The following CRPPA variants were observed in gnomAD, a reference collection of about 807,000 sequenced individuals.
The protein encoded by CRPPA is CDP-L-ribitol pyrophosphorylase A, also known as D-ribitol-5-phosphate cytidylyltransferase.
Under a neutral mutation model 52.0 loss-of-function variants are expected in CRPPA, and 43 were observed. The observed-to-expected ratio is 0.83, with a 90% CI of 0.65 to 1.07. The LOEUF is 1.07. CRPPA is among the 50% of genes least tolerant of loss of function. CRPPA has a pLI of 0.00. For missense variants in CRPPA, 629 were observed against 551.7 expected (o/e 1.14, Z -1.40); for synonymous variants, 250 against 203.5 (o/e 1.23, Z -1.94).
intron 5 of CRPPA, among the ~76,000 whole-genome samples, chr7:16,284,728 G>C (rs565811636): frequency 6.6e-6 from 1 of 152,150 alleles, no homozygotes; most frequent in South Asian, 2.1e-4. Context: ...TTACATCTTA[G>C]TTTATCTACT....
intron 5 of CRPPA, among the ~76,000 whole-genome samples, chr7:16,296,812 A>G (rs1484442166): frequency 6.6e-6 from 1 of 152,172 alleles, no homozygotes; most frequent in Admixed American, 6.5e-5. Context: ...TTACAACATT[A>G]TATGCTTTTC....
At chr7:16,292,276 T>C (rs1784579548) in intron 5 of CRPPA, among the ~76,000 whole-genome samples, 1 of 151,950 alleles carries the variant, frequency 6.6e-6, no homozygotes, top group African/African-American at 2.4e-5. Context: ...CAAAGACAAT[T>C]AGTATTTATT....
intron 2 of CRPPA, among the ~76,000 whole-genome samples, chr7:16,381,567 ATCTG>A (rs2128313200): frequency 6.6e-6 from 1 of 152,072 alleles, no homozygotes; most frequent in African/African-American, 2.4e-5. Context: ...TGTCTCATTG[ATCTG>A]TCTAATGTTG....
intron 3 of CRPPA, among the ~76,000 whole-genome samples, chr7:16,356,793 A>T (rs967345809): frequency 1.3e-5 from 2 of 152,062 alleles, no homozygotes; most frequent in African/African-American, 4.8e-5. Flanking sequence ...TTTTCTATTG[A>T]CCTATTTTCT....
intron 9 of CRPPA, among the ~76,000 whole-genome samples, chr7:16,101,167 T>A (rs1782036062): frequency 6.6e-6 from 1 of 152,198 alleles, no homozygotes; most frequent in African/African-American, 2.4e-5. Flanking sequence ...GCTGGCCTCA[T>A]AAAATCAGTT....
chr7:16,146,104 A>C (rs1037110885), intron 9 of CRPPA, among the ~76,000 whole-genome samples: 1 of 152,106 alleles, frequency 6.6e-6, no homozygotes, highest in Non-Finnish European at 1.5e-5. Flanking sequence ...AAACATCCAT[A>C]TGACTATGAC....
Position 16,089,468 on chromosome 7 carries a change from T to C in CRPPA, c.*2227A>G, listed in dbSNP as rs1781781672. On this transcript the variant is annotated 3_prime_UTR_variant, in exon 10 of 10. Transcript: ENST00000407010. The stretch of plus-strand genomic sequence containing the variant: ...ACGTGCATACATATATGTGTATATA[T>C]GTACGTACATATATACGGGTATATA... 1 of 326,818 alleles carries C rather than the reference T, an allele frequency of 3.1e-6. No individual in the cohort carries two copies. The highest frequency in any genetic ancestry group is 2.3e-5 in the South Asian group (1 of 43,712). 20.2% of individuals were successfully genotyped at this position (326,818 alleles called of 1,614,324 possible).
intron 5 of CRPPA, 124 bp downstream of exon 5, chr7:16,301,297 C>CA (rs1207237620): frequency 2.9e-6 from 2 of 695,878 alleles, no homozygotes; most frequent in African/African-American, 3.6e-5. Flanking sequence ...AAAAACAAAT[C>CA]AGAGACCTTG....
rs563829595 is a variant in CRPPA, at chr7:16,138,702, TCTTATA to T, written c.1252-46909_1252-46904del. ...AATAGTGTAATTTTCTTTAAAATTA[TCTTATA>T]CTTTGACCAATGGTAGAGAGTAAGA... On this transcript the variant is annotated intron_variant, in intron 9 of 9. Transcript: ENST00000407010. Among the ~76,000 whole-genome samples, 65 of 152,348 alleles carry T rather than the reference TCTTATA, an allele frequency of 4.3e-4. 1 individual carries two copies. In the South Asian group the frequency reaches 0.013, roughly 31 times the overall value.
intron 9 of CRPPA, among the ~76,000 whole-genome samples, chr7:16,192,800 A>G (rs963798073): frequency 6.6e-6 from 1 of 152,160 alleles, no homozygotes. Flanking sequence ...TTCCAATTCT[A>G]TAACAATTTG....
At chr7:16,295,212 T>G (rs1784646705) in intron 5 of CRPPA, among the ~76,000 whole-genome samples, 1 of 152,114 alleles carries the variant, frequency 6.6e-6, no homozygotes, top group African/African-American at 2.4e-5. Context: ...TGACAGTTGC[T>G]AAGTACTTAT....
chr7:16,379,521 A>G (rs1259007516), intron 2 of CRPPA, among the ~76,000 whole-genome samples: 3 of 152,170 alleles, frequency 2.0e-5, no homozygotes, highest in Admixed American at 1.3e-4. Context: ...TTCCAATTCT[A>G]TGAAGAAAGT....
At chr7:16,334,641 A>G (rs1351682104) in intron 3 of CRPPA, among the ~76,000 whole-genome samples, 1 of 152,152 alleles carries the variant, frequency 6.6e-6, no homozygotes, top group Non-Finnish European at 1.5e-5. Flanking sequence ...CAAATCACAG[A>G]TGATTGCAGA....
chr7:16,118,442 C>T (rs1782421224), intron 9 of CRPPA, among the ~76,000 whole-genome samples: 1 of 152,194 alleles, frequency 6.6e-6, no homozygotes, highest in Non-Finnish European at 1.5e-5. Flanking sequence ...AACATGCATC[C>T]AAGCCCTGCT....
At chr7:16,190,696 A>C (rs1282135436) in intron 9 of CRPPA, among the ~76,000 whole-genome samples, 1 of 151,970 alleles carries the variant, frequency 6.6e-6, no homozygotes, top group Non-Finnish European at 1.5e-5. Context: ...GTGATTTCTG[A>C]GATTTTAGTG....
rs370087847 is a variant in CRPPA, at chr7:16,268,959, A to C, written c.933+9170T>G. ...TTCTCTTGCCTCCTTTTGTGAACAT[A>C]GTTTTTTCTTCTGGTTAGAAAATCA... On this transcript the variant is annotated intron_variant, in intron 6 of 9. Transcript: ENST00000407010. The C allele has an allele frequency of 1.6e-4, 25 of 152,250 alleles. No individual in the cohort carries two copies. In the East Asian group the frequency reaches 3.9e-3, roughly 24 times the overall value. The allele number at this position is 152,250 out of a possible 1,614,324, so 9.4% of individuals were successfully genotyped here.
At chr7:16,234,696 C>T (rs941858576) in intron 8 of CRPPA, among the ~76,000 whole-genome samples, 5 of 151,920 alleles carry the variant, frequency 3.3e-5, no homozygotes, top group South Asian at 4.1e-4. Context: ...GAACAGGGTA[C>T]GATAGGAGAC....
intron 8 of CRPPA, among the ~76,000 whole-genome samples, chr7:16,254,822 A>G (rs905855775): frequency 4.0e-5 from 6 of 148,786 alleles, no homozygotes; most frequent in Admixed American, 1.3e-4. Context: ...AGAAAGAAAG[A>G]AAGAAAGAAA....
At chr7:16,189,817 A>G (rs2389591) in intron 9 of CRPPA, among the ~76,000 whole-genome samples, 109,308 of 152,060 alleles carry the variant, frequency 0.72, 39,703 homozygotes, top group Admixed American at 0.79. Flanking sequence ...CAGACCACAC[A>G]GAGAATCCCA....
Sources: gnomAD v4.1 joint callset for allele counts (sites outside exome capture counted in the v4.1 genomes callset) on GRCh38, gnomAD v4.1.1 for gene constraint, MANE v1.5 for transcripts, NCBI Gene and HGNC (gene_info 2026-07-23, HGNC 2026-07-21) for gene names.